The following PPP2R3B variants were observed in gnomAD, a reference collection of about 807,000 sequenced individuals.
PPP2R3B encodes protein phosphatase 2 regulatory subunit B''beta.
PPP2R3B carries 68 observed loss-of-function variants against 72.9 expected under a neutral mutation model. The observed-to-expected ratio is 0.93, with a 90% CI of 0.77 to 1.14. PPP2R3B has a LOEUF of 1.14. Ranked by LOEUF, PPP2R3B falls within the 50% of genes most tolerant of loss-of-function variation. The pLI, the probability that PPP2R3B is intolerant of heterozygous loss-of-function variation, is 0.00. For synonymous variants in PPP2R3B, 466 were observed against 375.8 expected, an observed-to-expected ratio of 1.24 and a Z score of -2.78; for missense variants, 1,018 against 842.0, an observed-to-expected ratio of 1.21 and a Z score of -2.59.
Position 334,417 on chromosome X carries a change from CGGCGCCCAGCGGTGAG to C in PPP2R3B, c.1662_1677del (p.Ser555TrpfsTer53). On this transcript the variant is annotated frameshift_variant, in exon 13 of 13. Transcript: ENST00000390665. LOFTEE classifies it high-confidence loss of function. ...CCGCATGCGTACTCGTACAGGTCCA[CGGCGCCCAGCGGTGAG>C]GGCGCCTCGAAGAAGGGCCTCTGGG... 2 of 1,591,232 alleles carry C rather than the reference CGGCGCCCAGCGGTGAG, an allele frequency of 1.3e-6. No individual in the cohort carries two copies. Among genetic ancestry groups the C allele is most frequent in the Non-Finnish European group, 1.7e-6 (2 of 1,174,586 alleles).
At chrX:386,259 A>G in intron 1 of PPP2R3B, 109 bp downstream of exon 1, 1 of 935,068 alleles carries the variant, frequency 1.1e-6, no homozygotes. Flanking sequence ...TCAATATGAA[A>G]CCGTTTTGGG....
intron 3 of PPP2R3B, 61 bp downstream of exon 3, chrX:347,529 A>G: frequency 6.6e-7 from 1 of 1,513,230 alleles, no homozygotes; most frequent in Non-Finnish European, 9.0e-7. Context: ...TCCTGGCACC[A>G]CGGGGACCCG....
In PPP2R3B at chrX:384,027, C is replaced by T. The variant is rs779976266; in HGVS notation, c.324+2341G>A. On this transcript the variant is annotated intron_variant, in intron 1 of 12. Coordinates refer to ENST00000390665, the MANE Select transcript of PPP2R3B (RefSeq NM_013239.5). ...CTGACAGAACAGACTCTGTGGCAAA[C>T]AAGACCAAGGGCCACCTGAGGTGAG... Among the ~76,000 whole-genome samples, 80 of 151,894 alleles carry T rather than the reference C, an allele frequency of 5.3e-4. 1 individual carries two copies. In the South Asian group the frequency reaches 5.6e-3, roughly 11 times the overall value.
At position 337,515 on chromosome X, in the gene PPP2R3B, C is replaced by T. The variant is rs28584298; in HGVS notation, c.1577+1089G>A. On this transcript the variant is annotated intron_variant, in intron 12 of 12. Coordinates refer to ENST00000390665, the MANE Select transcript of PPP2R3B (RefSeq NM_013239.5). ...GACCACGTCGCTCCAGCGTGCACCA[C>T]GGGAGGCCGGTGGGGGCCACAGTCC... 563 of 152,452 alleles carry T rather than the reference C, an allele frequency of 3.7e-3. 3 individuals are homozygous for T. Among genetic ancestry groups the T allele is most frequent in the African/African-American group, 0.012 (485 of 41,596 alleles). The allele number at this position is 152,452 out of a possible 1,614,324, so 9.4% of individuals were successfully genotyped here.
At chrX:342,245 GTGATCAC>G (rs2071096643) in intron 7 of PPP2R3B, 3 of 539,296 alleles carry the variant, frequency 5.6e-6, no homozygotes, top group African/African-American at 3.8e-5. Context: ...GACCTCGAGT[GTGATCAC>G]GGAAACAAAC....
chrX:335,588 G>C (rs1482424577), intron 12 of PPP2R3B: 1 of 152,192 alleles, frequency 6.6e-6, no homozygotes, highest in East Asian at 1.9e-4. Context: ...AGTATTTTGA[G>C]CTGCACCAAA....
Position 386,540 on chromosome X carries a change from T to C in PPP2R3B, c.152A>G (p.Asp51Gly). ...GGGCCAGGCCCCGGGCTGCTCCCCG[T>C]CCCCCGGGGTCGGCTGGTCCCGCCC... ...APGRDQPTPGDGEQPGAWPTA... is the reference protein window; with the variant it reads ...APGRDQPTPGGGEQPGAWPTA... The change falls in exon 1 of 13, where the codon GAC becomes GGC. Residue 51 changes from aspartate to glycine, a missense_variant. Coordinates refer to ENST00000390665, the MANE Select transcript of PPP2R3B (RefSeq NM_013239.5). The C allele has an allele frequency of 7.0e-7, 1 of 1,428,946 alleles. No homozygotes were observed. The highest frequency in any genetic ancestry group is 1.4e-5 in the South Asian group (1 of 73,554). The allele number at this position is 1,428,946 out of a possible 1,614,324, so 88.5% of individuals were successfully genotyped here. A position where few individuals can be genotyped will look rare whatever the true frequency, so the allele number is the denominator to read the frequency against.
chrX:371,886 G>A (rs1477277562), intron 1 of PPP2R3B, among the ~76,000 whole-genome samples: 23 of 142,968 alleles, frequency 1.6e-4, no homozygotes, highest in Non-Finnish European at 2.1e-4. Context: ...CATTTCACAC[G>A]TCTGTCCTCA....
chrX:345,624 A>G lies in PPP2R3B; in HGVS notation c.928T>C (p.Phe310Leu). ...ACGTAGAAATGCTCGTACGAGAAGA[A>G]TTCGGTCAGCTGGTTGATGTCCGCC... Reference protein sequence around the residue: ...EEADINQLTEFFSYEHFYVIY... With the variant: ...EEADINQLTELFSYEHFYVIY... The change falls in exon 7 of 13, where the codon TTC (phenylalanine) becomes CTC (leucine). Residue 310 changes from phenylalanine to leucine, a missense_variant. Physicochemically the swap from Phe to Leu is conservative, Grantham distance 22 (BLOSUM62 0). Coordinates refer to ENST00000390665, the MANE Select transcript of PPP2R3B (RefSeq NM_013239.5). 3 of 1,613,134 alleles carry G rather than the reference A, an allele frequency of 1.9e-6. No homozygotes were observed. Among genetic ancestry groups the G allele is most frequent in the East Asian group, 2.2e-5 (1 of 44,798 alleles).
chrX:386,764 G>A lies in PPP2R3B; in HGVS notation c.-73C>T. ...GCCCCGGGGGCTTCGGTCCGCCCCG[G>A]ACCGACCTCGGTGATGCGAGCACGG... On this transcript the variant is annotated 5_prime_UTR_variant, in exon 1 of 13. Transcript: ENST00000390665. 9.9e-7 allele frequency: 1 copy of A among 1,006,948 alleles called. No homozygotes were observed. 62.4% of individuals were successfully genotyped at this position (1,006,948 alleles called of 1,614,324 possible).
intron 5 of PPP2R3B, 94 bp downstream of exon 5, chrX:346,607 C>T: frequency 8.0e-7 from 1 of 1,248,740 alleles, no homozygotes; most frequent in Non-Finnish European, 1.1e-6. Context: ...AACCCCGGGC[C>T]CCGCCCGCCC....
chrX:363,336 GAGCCCACCA>G (rs1569403606), intron 1 of PPP2R3B, among the ~76,000 whole-genome samples: 2 of 119,150 alleles, frequency 1.7e-5, no homozygotes, highest in African/African-American at 6.9e-5. Flanking sequence ...GCATCTCCCC[GAGCCCACCA>G]TCCCGCAGTG....
chrX:382,884 G>A (rs1196959358), intron 1 of PPP2R3B, among the ~76,000 whole-genome samples: 1 of 152,072 alleles, frequency 6.6e-6, no homozygotes, highest in African/African-American at 2.4e-5. Flanking sequence ...GCTCATTAGC[G>A]ATCCCACTGA....
chrX:375,813 G>A (rs56049902), intron 1 of PPP2R3B, among the ~76,000 whole-genome samples: 3,354 of 152,260 alleles, frequency 0.022, 127 homozygotes, highest in African/African-American at 0.077. Flanking sequence ...GTCCTGCCAC[G>A]CCAGGTGACA....
Position 338,764 on chromosome X carries a change from C to G in PPP2R3B, c.1470+14G>C. ...GGCGTGGCGCGGCCCGGCCCGCGTG[C>G]CCGCCGCACTCACCCTGAGCAGGGA... On this transcript the variant is annotated intron_variant, in intron 11 of 12. Transcript: ENST00000390665. 4 of 1,612,030 alleles carry G rather than the reference C, an allele frequency of 2.5e-6. No individual in the cohort carries two copies. The highest frequency in any genetic ancestry group is 3.4e-6 in the Non-Finnish European group (4 of 1,179,456).
rs769574216 is a variant in PPP2R3B, at chrX:368,565, G to A, written c.325-6975C>T. Among the ~76,000 whole-genome samples, 294 of 119,068 alleles carry A rather than the reference G, an allele frequency of 2.5e-3. 2 individuals carry two copies. Among genetic ancestry groups the A allele is most frequent in the African/African-American group, 9.1e-3 (262 of 28,926 alleles). 78.1% of individuals were successfully genotyped at this position (119,068 alleles called of 152,430 possible). The stretch of plus-strand genomic sequence containing the variant: ...CACCCACCCCGGGCACCGACGGGGG[G>A]AAGGCCGGGACCACCCACCCCGGGC... On this transcript the variant is annotated intron_variant, in intron 1 of 12. Coordinates refer to ENST00000390665, the MANE Select transcript of PPP2R3B (RefSeq NM_013239.5).
chrX:342,318 A>C, intron 7 of PPP2R3B: 2 of 278,098 alleles, frequency 7.2e-6, no homozygotes, highest in Non-Finnish European at 1.4e-5. Context: ...CAGCAACGGG[A>C]GGCGGGAGTG....
intron 1 of PPP2R3B, among the ~76,000 whole-genome samples, chrX:375,713 G>A (rs2071976545): frequency 6.6e-6 from 1 of 152,106 alleles, no homozygotes; most frequent in Non-Finnish European, 1.5e-5. Context: ...CCAACCTCCT[G>A]TGATCTCCCT....
intron 5 of PPP2R3B, 31 bp from the exon 6 acceptor site, chrX:346,291 G>A (rs780967487): frequency 3.9e-6 from 6 of 1,540,814 alleles, no homozygotes; most frequent in African/African-American, 1.4e-5. Context: ...CGGTGGGTGC[G>A]CAGAGACCCC....
Sources: gnomAD v4.1 joint callset for allele counts (sites outside exome capture counted in the v4.1 genomes callset) on GRCh38, gnomAD v4.1.1 for gene constraint, MANE v1.5 for transcripts, NCBI Gene and HGNC (gene_info 2026-07-23, HGNC 2026-07-21) for gene names.